Variants in FAM135B observed in about 807,000 individuals in gnomAD.
FAM135B encodes protein FAM135B.
Under a neutral mutation model 127.7 loss-of-function variants are expected in FAM135B, and 43 were observed. That is an observed-to-expected ratio of 0.34 (90% confidence interval 0.26 to 0.43). The LOEUF (loss-of-function observed/expected upper bound fraction) is 0.43, where lower values mean the gene tolerates loss of function less well. Ranked by LOEUF, FAM135B falls within the 20% of genes least tolerant of loss-of-function variation. The pLI, the probability that FAM135B is intolerant of heterozygous loss-of-function variation, is 1.00. For missense variants in FAM135B, 1,558 were observed against 1,725.6 expected (o/e 0.90, Z 1.72); for synonymous variants, 670 against 665.1 (o/e 1.01, Z -0.11).
rs182507749 is a variant in FAM135B at position 138,413,380 on chromosome 8, G to A, written c.-19-45378C>T. ...ATCCAAATTTCTAGTTAATTATTATGTATTTTTAATGATACCACTTTAAAG... is the reference window on the plus strand; with the variant it reads ...ATCCAAATTTCTAGTTAATTATTATATATTTTTAATGATACCACTTTAAAG... On this transcript the variant is annotated intron_variant, in intron 1 of 19. Transcript: ENST00000395297. Among the ~76,000 whole-genome samples, 298 of 152,162 alleles carry A rather than the reference G, an allele frequency of 2.0e-3. 6 individuals are homozygous for A. Among genetic ancestry groups the A allele is most frequent in the Admixed American group, 0.019 (284 of 15,290 alleles).
chr8:138,396,178 G>A (rs910981979), intron 1 of FAM135B, among the ~76,000 whole-genome samples: 2 of 152,166 alleles, frequency 1.3e-5, no homozygotes, highest in Non-Finnish European at 2.9e-5. Context: ...TGGCCTTGGG[G>A]TACAGAACCT....
At chr8:138,345,124 C>G (rs1829323502) in intron 2 of FAM135B, among the ~76,000 whole-genome samples, 1 of 152,146 alleles carries the variant, frequency 6.6e-6, no homozygotes, top group African/African-American at 2.4e-5. Context: ...CAGAATAGTT[C>G]AGCCCAGCTC....
At chr8:138,289,381 T>C (rs1250659171) in intron 3 of FAM135B, among the ~76,000 whole-genome samples, 2 of 152,190 alleles carry the variant, frequency 1.3e-5, no homozygotes, top group Non-Finnish European at 2.9e-5. Flanking sequence ...CAGTGACAAA[T>C]GAATTGTTCA....
At chr8:138,270,125 T>A (rs1165946811) in intron 3 of FAM135B, among the ~76,000 whole-genome samples, 1 of 152,078 alleles carries the variant, frequency 6.6e-6, no homozygotes, top group Non-Finnish European at 1.5e-5. Context: ...GTCCAATACA[T>A]GACTTCTTGA....
At chr8:138,413,796 A>T (rs957755098) in intron 1 of FAM135B, among the ~76,000 whole-genome samples, 4 of 152,064 alleles carry the variant, frequency 2.6e-5, no homozygotes, top group African/African-American at 9.7e-5. Context: ...TTATCAGTGC[A>T]GTTCAGCAAG....
intron 12 of FAM135B, among the ~76,000 whole-genome samples, chr8:138,160,793 C>A (rs558116527): frequency 2.2e-4 from 34 of 151,576 alleles, no homozygotes; most frequent in Non-Finnish European, 4.4e-4. Flanking sequence ...CTGCACTGCA[C>A]AAACAAAAAG....
intron 3 of FAM135B, among the ~76,000 whole-genome samples, chr8:138,272,044 A>T (rs1356999881): frequency 1.3e-5 from 2 of 151,712 alleles, no homozygotes; most frequent in Non-Finnish European, 2.9e-5. Flanking sequence ...TTATTCATTC[A>T]TTCATTATTT....
intron 2 of FAM135B, among the ~76,000 whole-genome samples, chr8:138,338,871 C>G (rs919752465): frequency 2.6e-5 from 4 of 152,088 alleles, no homozygotes. Flanking sequence ...AAATGTCCAA[C>G]AATGGTAGAC....
chr8:138,177,055 G>A (rs542664025), intron 11 of FAM135B, among the ~76,000 whole-genome samples: 9 of 152,222 alleles, frequency 5.9e-5, no homozygotes, highest in South Asian at 2.1e-4. Flanking sequence ...AATTCATTTC[G>A]CAGAGGACTC....
chr8:138,341,794 G>T (rs1829066066), intron 2 of FAM135B, among the ~76,000 whole-genome samples: 1 of 151,930 alleles, frequency 6.6e-6, no homozygotes. Context: ...AAAGACAAAT[G>T]TCTTAATCCA....
intron 1 of FAM135B, among the ~76,000 whole-genome samples, chr8:138,404,849 C>T (rs1304412): frequency 0.4 from 60,656 of 151,942 alleles, 12,572 homozygotes; most frequent in African/African-American, 0.52. Context: ...CCACTGAAGT[C>T]TTGAACCTCT....
intron 1 of FAM135B, among the ~76,000 whole-genome samples, chr8:138,459,882 C>T (rs925514435): frequency 6.6e-6 from 1 of 152,152 alleles, no homozygotes; most frequent in Non-Finnish European, 1.5e-5. Context: ...CAGAATGCAT[C>T]AGTTTAAATC....
chr8:138,272,271 G>A lies in FAM135B; in HGVS notation c.158-6429C>T, dbSNP rs542553468. Among the ~76,000 whole-genome samples, 9 of 152,216 alleles carry A rather than the reference G, an allele frequency of 5.9e-5. No homozygotes were observed. In the South Asian group the frequency reaches 1.5e-3, roughly 25 times the overall value. On this transcript the variant is annotated intron_variant, in intron 3 of 19. Transcript: ENST00000395297. ...TATCAGTAACACTCAAATATTTAGC[G>A]AATCAATCCACCAATCAATTTATTA...
chr8:138,310,691 G>T, intron 3 of FAM135B, 150 bp downstream of exon 3: 1 of 622,546 alleles, frequency 1.6e-6, no homozygotes, highest in South Asian at 2.3e-5. Context: ...TCCAACTGTT[G>T]GTTTCCATTT....
At chr8:138,467,209 A>G (rs1305154577) in intron 1 of FAM135B, among the ~76,000 whole-genome samples, 2 of 152,130 alleles carry the variant, frequency 1.3e-5, no homozygotes, top group East Asian at 3.9e-4. Context: ...TCTTATACCA[A>G]TTGCTGCTCA....
At chr8:138,279,630 A>G (rs1359841518) in intron 3 of FAM135B, among the ~76,000 whole-genome samples, 1 of 152,214 alleles carries the variant, frequency 6.6e-6, no homozygotes, top group Middle Eastern at 3.2e-3. Flanking sequence ...ATCATGAAAG[A>G]TTAGATAAGA....
intron 1 of FAM135B, among the ~76,000 whole-genome samples, chr8:138,419,366 T>TA (rs900526381): frequency 2.6e-5 from 4 of 152,124 alleles, no homozygotes; most frequent in Non-Finnish European, 5.9e-5. Context: ...AAAAAGTTCT[T>TA]AGAGACCTAC....
intron 1 of FAM135B, among the ~76,000 whole-genome samples, chr8:138,458,878 C>G (rs1203958472): frequency 6.6e-6 from 1 of 152,182 alleles, no homozygotes; most frequent in Non-Finnish European, 1.5e-5. Flanking sequence ...AATTTTCCAG[C>G]AGCACATGGC....
intron 2 of FAM135B, among the ~76,000 whole-genome samples, chr8:138,355,014 T>C (rs1328021702): frequency 6.6e-6 from 1 of 152,032 alleles, no homozygotes; most frequent in Non-Finnish European, 1.5e-5. Flanking sequence ...TCCCCCTTCC[T>C]CCCACCCTAC....
Sources: allele counts gnomAD v4.1 joint callset (sites outside exome capture counted in the v4.1 genomes callset), GRCh38; gene constraint gnomAD v4.1.1; transcripts MANE v1.5; gene names NCBI Gene and HGNC (gene_info 2026-07-23, HGNC 2026-07-21).